The following TASP1 variants were observed in gnomAD, a reference collection of about 807,000 sequenced individuals.
TASP1 encodes taspase 1.
A neutral mutation model predicts 56.6 loss-of-function variants in TASP1; 16 were observed. That is an observed-to-expected ratio of 0.28 (90% CI 0.19 to 0.43). The LOEUF is 0.43. Ranked by LOEUF, TASP1 falls within the 20% of genes least tolerant of loss-of-function variation. TASP1 has a pLI of 1.00. For missense variants in TASP1, 393 were observed against 511.6 expected (o/e 0.77, Z 2.24); for synonymous variants, 179 against 184.2 (o/e 0.97, Z 0.23).
At chr20:13,576,342 G>GAAGAAAGGAAGA (rs1395310069) in intron 6 of TASP1, among the ~76,000 whole-genome samples, 14 of 131,742 alleles carry the variant, frequency 1.1e-4, no homozygotes, top group Admixed American at 7.3e-4. Flanking sequence ...AGAAAGAAAG[G>GAAGAAAGGAAGA]AAGAAAGAAA....
At chr20:13,561,111 G>T (rs1347813744) in intron 7 of TASP1, among the ~76,000 whole-genome samples, 2 of 152,074 alleles carry the variant, frequency 1.3e-5, no homozygotes, top group African/African-American at 4.8e-5. Context: ...GTGGCCAAAC[G>T]ATCCTTCAAA....
the TASP1 span, among the ~76,000 whole-genome samples, chr20:13,145,200 T>G: frequency 6.6e-6 from 1 of 152,162 alleles, no homozygotes; most frequent in South Asian, 2.1e-4. Flanking sequence ...GAAGTCAAAC[T>G]ATCTCTGCAG....
the TASP1 span, among the ~76,000 whole-genome samples, chr20:13,213,997 A>G: frequency 6.6e-6 from 1 of 152,224 alleles, no homozygotes; most frequent in Non-Finnish European, 1.5e-5. Flanking sequence ...ACCGAAGGTG[A>G]TAAACAGACA....
At chr20:13,382,467 C>T in the TASP1 span, among the ~76,000 whole-genome samples, 3 of 152,130 alleles carry the variant, frequency 2.0e-5, no homozygotes, top group South Asian at 2.1e-4. Context: ...GGCAACATGG[C>T]AAGACCCTGT....
At position 13,601,008 on chromosome 20, in the gene TASP1, G is replaced by C. The variant is rs189434401; in HGVS notation, c.283-13638C>G. Among the ~76,000 whole-genome samples, 11 of 152,302 alleles carry C rather than the reference G, an allele frequency of 7.2e-5. No homozygotes were observed. In the East Asian group the frequency reaches 2.1e-3, roughly 29 times the overall value. On this transcript the variant is annotated intron_variant, in intron 4 of 13. Coordinates refer to ENST00000337743, the MANE Select transcript of TASP1 (RefSeq NM_017714.3). The stretch of plus-strand genomic sequence containing the variant: ...AAGGTAAGCCTGGCCGGGTGTGGTG[G>C]CTCACGCCTGTAATCCCAACCCTCT...
chr20:13,536,751 G>A (rs1160831896), intron 8 of TASP1, among the ~76,000 whole-genome samples: 2 of 151,986 alleles, frequency 1.3e-5, no homozygotes, highest in Non-Finnish European at 2.9e-5. Context: ...ATTGCTTCTG[G>A]TAAATAATCA....
the TASP1 span, among the ~76,000 whole-genome samples, chr20:13,197,829 C>T: frequency 1.3e-5 from 2 of 152,028 alleles, no homozygotes; most frequent in South Asian, 2.1e-4. Context: ...CCCTGGCTAG[C>T]GATTTATAAA....
chr20:13,347,061 G>A, the TASP1 span, among the ~76,000 whole-genome samples: 2 of 152,324 alleles, frequency 1.3e-5, no homozygotes, highest in East Asian at 3.9e-4. Flanking sequence ...AACTGAAAAG[G>A]TGTTATGAAA....
At chr20:13,113,450 A>G in the TASP1 span, among the ~76,000 whole-genome samples, 2 of 152,168 alleles carry the variant, frequency 1.3e-5, no homozygotes, top group African/African-American at 4.8e-5. Context: ...CAAAGAGAGC[A>G]GTCAGCCAAA....
In TASP1 at chr20:13,527,971, C is replaced by A. The variant is rs2031380826; in HGVS notation, c.874+462G>T. 4.6e-5 allele frequency among the ~76,000 whole-genome samples: 7 copies of A among 151,938 alleles called. No homozygotes were observed. In the South Asian group the frequency reaches 1.5e-3, roughly 32 times the overall value. ...GTGCAGTGACTTAAGCCTGTAATCC[C>A]AGCACTTTGGGAGGCCTAGGAGGGC... On this transcript the variant is annotated intron_variant, in intron 10 of 13. Transcript: ENST00000337743.
chr20:13,117,684 A>C, the TASP1 span: 1 of 1,613,644 alleles, frequency 6.2e-7, no homozygotes, highest in Admixed American at 1.7e-5. Context: ...CACATTCACC[A>C]AAAGTTTTGG....
chr20:13,464,748 G>A lies in TASP1; in HGVS notation c.985+18479C>T, dbSNP rs147187941. 1.7e-4 allele frequency among the ~76,000 whole-genome samples: 26 copies of A among 152,260 alleles called. No homozygotes were observed. The East Asian group carries it at 3.5e-3, about 20-fold the overall frequency. On this transcript the variant is annotated intron_variant, in intron 11 of 13. Coordinates refer to ENST00000337743, the MANE Select transcript of TASP1 (RefSeq NM_017714.3). ...AGAATGATAGTTGCCAGGAGCTGCA[G>A]AGAGGAGGGAAAGGGGAGTTGTTTA...
At chr20:13,308,275 G>C in the TASP1 span, among the ~76,000 whole-genome samples, 6 of 152,192 alleles carry the variant, frequency 3.9e-5, no homozygotes, top group Admixed American at 2.0e-4. Flanking sequence ...TAACTCAGAT[G>C]CTTGTAATAC....
At chr20:13,157,000 T>G in the TASP1 span, among the ~76,000 whole-genome samples, 1 of 152,170 alleles carries the variant, frequency 6.6e-6, no homozygotes, top group East Asian at 1.9e-4. Flanking sequence ...TCTTTCAACT[T>G]AAGATTGTTT....
intron 11 of TASP1, among the ~76,000 whole-genome samples, chr20:13,478,536 T>C (rs775089082): frequency 6.6e-6 from 1 of 152,000 alleles, no homozygotes; most frequent in Non-Finnish European, 1.5e-5. Flanking sequence ...CACATGGACA[T>C]AGAGTCTACA....
intron 10 of TASP1, among the ~76,000 whole-genome samples, chr20:13,506,278 C>T (rs2044129373): frequency 6.6e-6 from 1 of 151,976 alleles, no homozygotes. Flanking sequence ...CAAGAAAAGC[C>T]CAGAACCTGG....
chr20:13,416,756 G>A (rs533693776), intron 13 of TASP1, among the ~76,000 whole-genome samples: 1 of 152,176 alleles, frequency 6.6e-6, no homozygotes, highest in African/African-American at 2.4e-5. Flanking sequence ...AGAAGAACAT[G>A]AGGCCAATAT....
chr20:13,468,962 A>G (rs1342550593), intron 11 of TASP1, among the ~76,000 whole-genome samples: 1 of 152,004 alleles, frequency 6.6e-6, no homozygotes. Context: ...TAAAATACCA[A>G]TTGTGAATAG....
the TASP1 span, among the ~76,000 whole-genome samples, chr20:13,350,788 C>T: frequency 6.6e-6 from 1 of 151,890 alleles, no homozygotes; most frequent in African/African-American, 2.4e-5. Context: ...AACTGCTAGG[C>T]ACATGAGATT....
Sources: gnomAD v4.1 joint callset for allele counts (sites outside exome capture counted in the v4.1 genomes callset) on GRCh38, gnomAD v4.1.1 for gene constraint, MANE v1.5 for transcripts, NCBI Gene and HGNC (gene_info 2026-07-23, HGNC 2026-07-21) for gene names.